Variants in COL19A1 observed in about 807,000 individuals in gnomAD.
The protein encoded by COL19A1 is collagen type XIX alpha 1 chain.
In COL19A1, 159 loss-of-function variants were observed where a neutral mutation model predicts 190.2. That is an observed-to-expected ratio of 0.84 (90% CI 0.73 to 0.95). The LOEUF is 0.95. Among genes scored for constraint, COL19A1 ranks in the 40% least tolerant of loss-of-function variants. The probability of loss-of-function intolerance (pLI) is 0.00; values close to 1 mark genes in which losing one functional copy is unlikely to be tolerated. For synonymous variants in COL19A1, 509 were observed against 458.9 expected, an observed-to-expected ratio of 1.11 and a Z score of -1.39; for missense variants, 1,418 against 1,431.9, an observed-to-expected ratio of 0.99 and a Z score of 0.16.
chr6:70,197,931 G>GA (rs1451789930), intron 48 of COL19A1, among the ~76,000 whole-genome samples: 1 of 152,128 alleles, frequency 6.6e-6, no homozygotes, highest in East Asian at 1.9e-4. Flanking sequence ...AATTCTATAT[G>GA]AAAAAACAAT....
At chr6:69,992,399 GT>G (rs1187918293) in intron 11 of COL19A1, among the ~76,000 whole-genome samples, 4 of 151,396 alleles carry the variant, frequency 2.6e-5, no homozygotes, top group Non-Finnish European at 5.9e-5. Flanking sequence ...ATTTTAGAAT[GT>G]TTTTCTCTAA....
intron 11 of COL19A1, among the ~76,000 whole-genome samples, chr6:69,978,703 A>C (rs1330772348): frequency 6.6e-6 from 1 of 151,700 alleles, no homozygotes; most frequent in Non-Finnish European, 1.5e-5. Flanking sequence ...CCCGAAACAA[A>C]ATAGTAGATG....
chr6:70,207,311 C>T lies in COL19A1; in HGVS notation c.*37C>T. The T allele has an allele frequency of 6.3e-7, 1 of 1,582,946 alleles. No individual in the cohort carries two copies. Among genetic ancestry groups the T allele is most frequent in the Middle Eastern group, 1.7e-4 (1 of 5,768 alleles). On this transcript the variant is annotated 3_prime_UTR_variant, in exon 51 of 51. Coordinates refer to ENST00000620364, the MANE Select transcript of COL19A1 (RefSeq NM_001858.6). ...GAAGACTTGGTTCCTGGTAACATTT[C>T]CTTGCCACTGGAGCTCTCTTAATAC...
intron 31 of COL19A1, among the ~76,000 whole-genome samples, chr6:70,152,384 C>T (rs368515849): frequency 2.3e-4 from 35 of 151,882 alleles, no homozygotes; most frequent in East Asian, 9.7e-4. Context: ...ACTCGAGTTC[C>T]GGCATATACA....
At chr6:69,972,037 AT>A (rs1398273933) in intron 11 of COL19A1, among the ~76,000 whole-genome samples, 8 of 152,158 alleles carry the variant, frequency 5.3e-5, no homozygotes, top group Non-Finnish European at 8.8e-5. Flanking sequence ...CTCTTCCCAC[AT>A]TCCCCTTTTC....
At chr6:70,004,661 G>A (rs1171829794) in intron 11 of COL19A1, among the ~76,000 whole-genome samples, 1 of 151,288 alleles carries the variant, frequency 6.6e-6, no homozygotes, top group Non-Finnish European at 1.5e-5. Flanking sequence ...ACTTCACAAA[G>A]TGTAATGCTC....
intron 2 of COL19A1, chr6:69,890,822 T>C (rs1391367877): frequency 6.5e-6 from 1 of 154,400 alleles, no homozygotes; most frequent in Non-Finnish European, 1.4e-5. Context: ...GGCAGGCTGG[T>C]TGGAGTTTCT....
At chr6:70,140,639 G>T (rs2150233691) in intron 19 of COL19A1, among the ~76,000 whole-genome samples, 1 of 152,170 alleles carries the variant, frequency 6.6e-6, no homozygotes, top group African/African-American at 2.4e-5. Flanking sequence ...GTGTGTGTGT[G>T]ATCGTTTTCT....
In COL19A1 at chr6:70,007,663, G is replaced by A. The variant is rs895862185; in HGVS notation, c.1027-15964G>A. 2.6e-5 allele frequency among the ~76,000 whole-genome samples: 4 copies of A among 152,008 alleles called. No homozygotes were observed. The East Asian group carries it at 5.8e-4, about 22-fold the overall frequency. On this transcript the variant is annotated intron_variant, in intron 11 of 50. Coordinates refer to ENST00000620364, the MANE Select transcript of COL19A1 (RefSeq NM_001858.6). Reference sequence around the variant, plus strand: ...AGCAATTAACACAATTATATTTAAAGATTTCAATACTCCTCTCTCAATAAG... The same window carrying A: ...AGCAATTAACACAATTATATTTAAAAATTTCAATACTCCTCTCTCAATAAG...
At chr6:69,946,667 G>A (rs536836198) in intron 9 of COL19A1, among the ~76,000 whole-genome samples, 18 of 151,942 alleles carry the variant, frequency 1.2e-4, no homozygotes, top group South Asian at 6.2e-4. Flanking sequence ...AGTAATTAAC[G>A]CACCCCTTAA....
At chr6:70,016,366 T>TTAAAAAAAA (rs1554189059) in intron 11 of COL19A1, among the ~76,000 whole-genome samples, 36 of 37,602 alleles carry the variant, frequency 9.6e-4, no homozygotes, top group African/African-American at 3.5e-3. Context: ...TAGAGTATAA[T>TTAAAAAAAA]AAAAAAAAAA....
At chr6:69,938,137 T>A (rs117424419) in intron 9 of COL19A1, 37 bp downstream of exon 9, 28,610 of 1,590,390 alleles carry the variant, frequency 0.018, 284 homozygotes, top group Non-Finnish European at 0.022. Flanking sequence ...GAAAACAGGG[T>A]TTTGTTAAAA....
chr6:69,987,644 C>T (rs754388050), intron 11 of COL19A1, among the ~76,000 whole-genome samples: 1 of 152,226 alleles, frequency 6.6e-6, no homozygotes, highest in Non-Finnish European at 1.5e-5. Context: ...TGTATCACAG[C>T]TCTTTCTTTC....
chr6:70,049,586 C>G (rs1361358456), intron 14 of COL19A1, among the ~76,000 whole-genome samples: 2 of 151,894 alleles, frequency 1.3e-5, no homozygotes, highest in African/African-American at 4.8e-5. Flanking sequence ...TAGTTTGCTT[C>G]TGTTTCAAAA....
chr6:70,206,043 T>A (rs1182604776), intron 49 of COL19A1, among the ~76,000 whole-genome samples: 1 of 152,182 alleles, frequency 6.6e-6, no homozygotes, highest in African/African-American at 2.4e-5. Flanking sequence ...CAGACCTGAC[T>A]TTTTAGATGA....
intron 1 of COL19A1, among the ~76,000 whole-genome samples, chr6:69,872,326 T>C (rs1383763245): frequency 3.3e-5 from 5 of 152,094 alleles, no homozygotes; most frequent in Non-Finnish European, 5.9e-5. Flanking sequence ...TAGGTATCAA[T>C]AGGCTATCTA....
chr6:70,079,009 G>A (rs931189771), intron 15 of COL19A1, among the ~76,000 whole-genome samples: 7 of 152,180 alleles, frequency 4.6e-5, no homozygotes, highest in African/African-American at 1.7e-4. Context: ...AGAGGCTTCA[G>A]TGAGCCGAGC....
intron 15 of COL19A1, among the ~76,000 whole-genome samples, chr6:70,090,262 G>A (rs1300875165): frequency 6.6e-6 from 1 of 152,084 alleles, no homozygotes; most frequent in East Asian, 1.9e-4. Flanking sequence ...TACATCCGTG[G>A]ATTCAACCAA....
intron 18 of COL19A1, among the ~76,000 whole-genome samples, chr6:70,135,967 G>A (rs1340303127): frequency 6.6e-6 from 1 of 152,228 alleles, no homozygotes; most frequent in East Asian, 1.9e-4. Flanking sequence ...TCTGTTATGC[G>A]TGCCTAGGCT....
Sources: allele counts gnomAD v4.1 joint callset (sites outside exome capture counted in the v4.1 genomes callset), GRCh38; gene constraint gnomAD v4.1.1; transcripts MANE v1.5; gene names NCBI Gene and HGNC (gene_info 2026-07-23, HGNC 2026-07-21).